CFAP77: variants seen among roughly 807,000 people sequenced by gnomAD.
The protein encoded by CFAP77 is cilia- and flagella-associated protein 77.
A neutral mutation model predicts 31.1 loss-of-function variants in CFAP77; 25 were observed. The observed-to-expected ratio is 0.80, with a 90% confidence interval of 0.59 to 1.12. The LOEUF is 1.12. Among genes scored for constraint, CFAP77 ranks in the 50% most tolerant of loss-of-function variants. CFAP77 has a pLI of 0.00. For synonymous variants in CFAP77, 151 were observed against 159.9 expected, an observed-to-expected ratio of 0.94 and a Z score of 0.42; for missense variants, 377 against 397.3, an observed-to-expected ratio of 0.95 and a Z score of 0.44.
chr9:132,566,219 G>A (rs1829882408), intron 5 of CFAP77, among the ~76,000 whole-genome samples: 1 of 152,144 alleles, frequency 6.6e-6, no homozygotes, highest in Admixed American at 6.5e-5. Context: ...TGCAGCCAGC[G>A]ACTTTTGCTT....
At chr9:132,467,822 A>G (rs1277975426) in intron 1 of CFAP77, among the ~76,000 whole-genome samples, 1 of 152,142 alleles carries the variant, frequency 6.6e-6, no homozygotes, top group African/African-American at 2.4e-5. Flanking sequence ...AATGGTGCAC[A>G]AGGGTTCCAA....
Position 132,513,484 on chromosome 9 carries a change from G to A in CFAP77, c.524+13884G>A, listed in dbSNP as rs139088706. 353 of 1,126,346 alleles carry A rather than the reference G, an allele frequency of 3.1e-4. 1 individual carries two copies. The East Asian group carries it at 8.8e-3, about 28-fold the overall frequency. The allele number at this position is 1,126,346 out of a possible 1,614,324, so 69.8% of individuals were successfully genotyped here. A position where few individuals can be genotyped will look rare whatever the true frequency, so the allele number is the denominator to read the frequency against. ...GAGGACCCTCCCGAGGTTGGAGCAC[G>A]CATGCTTTCCACCCAGCGTGCCCAG... On this transcript the variant is annotated intron_variant, in intron 3 of 5. Coordinates refer to ENST00000393216, the MANE Select transcript of CFAP77 (RefSeq NM_001282957.2).
In CFAP77 at chr9:132,517,870, C is replaced by T. The variant is rs184284131; in HGVS notation, c.524+18270C>T. Among the ~76,000 whole-genome samples, 66 of 152,316 alleles carry T rather than the reference C, an allele frequency of 4.3e-4. No individual in the cohort carries two copies. Among genetic ancestry groups the T allele is most frequent in the African/African-American group, 1.5e-3 (62 of 41,570 alleles). ...AACCCCTGGTCTGGGGTATCAATCG[C>T]GGAGCAGTCAGGATGGGTTTGATGG... On this transcript the variant is annotated intron_variant, in intron 3 of 5. Transcript: ENST00000393216. The surrounding 1 kb of genome is among the most constrained non-coding windows in gnomAD (Gnocchi z 4.7).
Position 132,436,669 on chromosome 9 carries a change from T to C in CFAP77, c.195+26203T>C, listed in dbSNP as rs144316330. On this transcript the variant is annotated intron_variant, in intron 1 of 5. Transcript: ENST00000393216. ...CAACCTTTTGAAGACATTTAAGTGA[T>C]ATCTAGTGGCCATTCCACCATTCCA... Among the ~76,000 whole-genome samples, 517 of 152,330 alleles carry C rather than the reference T, an allele frequency of 3.4e-3. 2 individuals carry two copies. The highest frequency in any genetic ancestry group is 0.011 in the African/African-American group (469 of 41,572).
At chr9:132,426,071 TC>T (rs1850307890) in intron 1 of CFAP77, among the ~76,000 whole-genome samples, 2 of 152,200 alleles carry the variant, frequency 1.3e-5, no homozygotes, top group African/African-American at 4.8e-5. Context: ...CCCGCCCGCC[TC>T]CCCGAGCTTC....
Position 132,545,243 on chromosome 9 carries a change from A to G in CFAP77, c.732+2196A>G, listed in dbSNP as rs1037451140. On this transcript the variant is annotated intron_variant, in intron 5 of 5. Coordinates refer to ENST00000393216, the MANE Select transcript of CFAP77 (RefSeq NM_001282957.2). The surrounding 1 kb of genome is among the most constrained non-coding windows in gnomAD (Gnocchi z 4.6). Reference sequence around the variant, plus strand: ...ACCAGGAATGATGGCCTCCTGTGCCATGCCAGGCACTGTGTGAGGTCATGT... The same window carrying G: ...ACCAGGAATGATGGCCTCCTGTGCCGTGCCAGGCACTGTGTGAGGTCATGT... Among the ~76,000 whole-genome samples, 4 of 152,236 alleles carry G rather than the reference A, an allele frequency of 2.6e-5. No individual in the cohort carries two copies. The highest frequency in any genetic ancestry group is 2.9e-5 in the Non-Finnish European group (2 of 68,034).
chr9:132,569,521 A>G (rs1448988101), intron 5 of CFAP77, among the ~76,000 whole-genome samples: 1 of 152,190 alleles, frequency 6.6e-6, no homozygotes, highest in Non-Finnish European at 1.5e-5. Context: ...AGTTATTATT[A>G]CTATTTGAAA....
Position 132,513,109 on chromosome 9 carries a change from T to C in CFAP77, c.524+13509T>C, listed in dbSNP as rs961948721. On this transcript the variant is annotated intron_variant, in intron 3 of 5. Coordinates refer to ENST00000393216, the MANE Select transcript of CFAP77 (RefSeq NM_001282957.2). ...TTCGATACTGGCATGTAATGCATAATAATCACATCGTGGAGAATGGGGTCT... is the reference window on the plus strand; with the variant it reads ...TTCGATACTGGCATGTAATGCATAACAATCACATCGTGGAGAATGGGGTCT... The C allele has an allele frequency of 7.8e-6, 6 of 767,580 alleles. No homozygotes were observed. In the African/African-American group the frequency reaches 1.0e-4, roughly 13 times the overall value. 47.5% of individuals were successfully genotyped at this position (767,580 alleles called of 1,614,324 possible).
intron 1 of CFAP77, among the ~76,000 whole-genome samples, chr9:132,494,502 G>C (rs1468170662): frequency 5.3e-5 from 8 of 152,186 alleles, no homozygotes; most frequent in African/African-American, 1.7e-4. Flanking sequence ...TGGCCACTTG[G>C]GTTGTTTCTA....
intron 5 of CFAP77, among the ~76,000 whole-genome samples, chr9:132,555,563 G>A (rs1852889710): frequency 6.6e-6 from 1 of 152,198 alleles, no homozygotes; most frequent in Admixed American, 6.5e-5. Flanking sequence ...GCACTGTCAG[G>A]TAAATTTCCA....
chr9:132,487,879 C>A (rs1286250048), intron 1 of CFAP77, among the ~76,000 whole-genome samples: 1 of 151,984 alleles, frequency 6.6e-6, no homozygotes, highest in Non-Finnish European at 1.5e-5. Flanking sequence ...AAATAAATAT[C>A]CTCTATGCTA....
chr9:132,529,530 A>G (rs1360382050), intron 3 of CFAP77, among the ~76,000 whole-genome samples: 1 of 148,956 alleles, frequency 6.7e-6, no homozygotes, highest in Non-Finnish European at 1.5e-5. Context: ...CAAAAAAAAA[A>G]CTAAACACAT....
chr9:132,417,941 G>A (rs1336165801), intron 1 of CFAP77, among the ~76,000 whole-genome samples: 1 of 152,060 alleles, frequency 6.6e-6, no homozygotes, highest in African/African-American at 2.4e-5. Flanking sequence ...CTTGTTTCCT[G>A]TGGCCATGTG....
At position 132,517,955 on chromosome 9, in the gene CFAP77, C is replaced by T. The variant is rs970438040; in HGVS notation, c.524+18355C>T. 6.6e-6 allele frequency among the ~76,000 whole-genome samples: 1 copy of T among 152,160 alleles called. No homozygotes were observed. Among genetic ancestry groups the T allele is most frequent in the East Asian group, 1.9e-4 (1 of 5,192 alleles). Reference sequence around the variant, plus strand: ...GTAGGAGCTGATTTCATTTCATTCCCCCTTTTTCGCTTTATGGGACTGAGT... The same window carrying T: ...GTAGGAGCTGATTTCATTTCATTCCTCCTTTTTCGCTTTATGGGACTGAGT... On this transcript the variant is annotated intron_variant, in intron 3 of 5. Transcript: ENST00000393216. This position sits in a 1 kb window ranked among gnomAD's most constrained non-coding sequence, Gnocchi z 4.7.
chr9:132,422,520 C>G (rs185045517), intron 1 of CFAP77, among the ~76,000 whole-genome samples: 6 of 152,160 alleles, frequency 3.9e-5, no homozygotes, highest in African/African-American at 1.4e-4. Flanking sequence ...TATGTGTCCG[C>G]GTTCACATGA....
intron 1 of CFAP77, among the ~76,000 whole-genome samples, chr9:132,459,730 GTA>G (rs1390116242): frequency 6.0e-5 from 9 of 148,824 alleles, no homozygotes; most frequent in South Asian, 2.1e-4. Context: ...GTATGTATGT[GTA>G]TATGTGTGTG....
intron 3 of CFAP77, among the ~76,000 whole-genome samples, chr9:132,520,728 A>G (rs1479119892): frequency 1.3e-5 from 2 of 152,158 alleles, no homozygotes; most frequent in Non-Finnish European, 2.9e-5. Flanking sequence ...GAGGATCCCC[A>G]GCCCTCACCA....
chr9:132,445,856 G>A (rs1425307265), intron 1 of CFAP77, among the ~76,000 whole-genome samples: 3 of 144,012 alleles, frequency 2.1e-5, no homozygotes, highest in Admixed American at 7.0e-5. Context: ...GCGACAGAGT[G>A]AGACTCGATC....
chr9:132,487,549 T>A (rs569844667), intron 1 of CFAP77, among the ~76,000 whole-genome samples: 1 of 151,782 alleles, frequency 6.6e-6, no homozygotes, highest in African/African-American at 2.4e-5. Flanking sequence ...ATCACAGTTA[T>A]GGGGCTGGGT....
Sources: gnomAD v4.1 joint callset for allele counts (sites outside exome capture counted in the v4.1 genomes callset) on GRCh38, gnomAD v4.1.1 for gene constraint, Gnocchi (gnomAD v3.1) non-coding constraint, MANE v1.5 for transcripts, NCBI Gene and HGNC (gene_info 2026-07-23, HGNC 2026-07-21) for gene names.